The following AJAP1 variants were observed in gnomAD, a reference collection of about 807,000 sequenced individuals.
AJAP1 encodes adherens junction-associated protein 1.
AJAP1 carries 5 observed loss-of-function variants against 35.0 expected under a neutral mutation model. That is an observed-to-expected ratio of 0.14 (90% confidence interval 0.07 to 0.30). The LOEUF (loss-of-function observed/expected upper bound fraction) is 0.30. AJAP1 is among the 10% of genes least tolerant of loss of function. The pLI is 1.00. For missense variants in AJAP1, 586 were observed against 571.0 expected (o/e 1.03, Z -0.27); for synonymous variants, 284 against 249.3 (o/e 1.14, Z -1.31).
chr1:4,715,424 G>A (rs1045788762), intron 2 of AJAP1, among the ~76,000 whole-genome samples: 4 of 152,334 alleles, frequency 2.6e-5, no homozygotes, highest in African/African-American at 9.6e-5. Context: ...AGTGGCTCAC[G>A]CCTATAATCC....
At chr1:4,740,791 A>AG (rs1641049477) in intron 2 of AJAP1, among the ~76,000 whole-genome samples, 1 of 149,398 alleles carries the variant, frequency 6.7e-6, no homozygotes, top group South Asian at 2.2e-4. Flanking sequence ...GTCTCAAAAA[A>AG]AAAAAAAAAA....
chr1:4,710,433 GCA>G (rs1383978994), intron 1 of AJAP1, among the ~76,000 whole-genome samples: 4 of 150,134 alleles, frequency 2.7e-5, no homozygotes, highest in African/African-American at 9.9e-5. Context: ...TGACCCACAC[GCA>G]CACACTCACA....
Position 4,692,239 on chromosome 1 carries a change from G to A in AJAP1, c.30-19661G>A, listed in dbSNP as rs946201122. ...AGGCAGGCTCCTGCTGCTGCCTCCC[G>A]CCGCTGCCTCCCGCCACCAGGACAG... On this transcript the variant is annotated intron_variant, in intron 1 of 5. Coordinates refer to ENST00000378191, the MANE Select transcript of AJAP1 (RefSeq NM_018836.4). The surrounding 1 kb of genome is among the most constrained non-coding windows in gnomAD (Gnocchi z 4.4). Among the ~76,000 whole-genome samples, 4 of 152,104 alleles carry A rather than the reference G, an allele frequency of 2.6e-5. No individual in the cohort carries two copies. Among genetic ancestry groups the A allele is most frequent in the South Asian group, 2.1e-4 (1 of 4,824 alleles).
At chr1:4,716,724 GTGA>G (rs1442113350) in intron 2 of AJAP1, among the ~76,000 whole-genome samples, 2 of 150,284 alleles carry the variant, frequency 1.3e-5, no homozygotes, top group African/African-American at 5.0e-5. Flanking sequence ...GATGATGATG[GTGA>G]TGATGGAGAT....
Position 4,692,141 on chromosome 1 carries a change from G to A in AJAP1, c.30-19759G>A, listed in dbSNP as rs180716879. ...GATCTATTATCTCTGCATCGTTGCC[G>A]CCTTCTCGAGGGTTAGGAGTCAGCC... On this transcript the variant is annotated intron_variant, in intron 1 of 5. Transcript: ENST00000378191. The surrounding 1 kb of genome is among the most constrained non-coding windows in gnomAD (Gnocchi z 4.4). 6.4e-4 allele frequency among the ~76,000 whole-genome samples: 97 copies of A among 152,268 alleles called. No homozygotes were observed. Among genetic ancestry groups the A allele is most frequent in the African/African-American group, 2.2e-3 (90 of 41,560 alleles).
intron 2 of AJAP1, among the ~76,000 whole-genome samples, chr1:4,765,797 A>T (rs1021064627): frequency 2.6e-5 from 4 of 152,160 alleles, no homozygotes; most frequent in African/African-American, 9.7e-5. Context: ...CTCAAGGGAA[A>T]CCTTCATGCA....
Position 4,712,305 on chromosome 1 carries a change from C to T in AJAP1, c.435C>T (p.Ala145=). 1.3e-6 allele frequency: 2 copies of T among 1,490,862 alleles called. No homozygotes were observed. The highest frequency in any genetic ancestry group is 1.8e-6 in the Non-Finnish European group (2 of 1,121,210). The allele number at this position is 1,490,862 out of a possible 1,614,324, so 92.4% of individuals were successfully genotyped here. A position where few individuals can be genotyped will look rare whatever the true frequency, so the allele number is the denominator to read the frequency against. The part of the protein sequence containing the change: ...SSSSSAVAGG[A]PEQQALLRRG... ...CGTCCTCCGCGGTGGCCGGTGGGGC[C>T]CCGGAGCAGCAGGCCCTCCTGAGGA... The change falls in exon 2 of 6, where the codon GCC becomes GCT. Residue 145 remains alanine (A), a synonymous_variant. Coordinates refer to ENST00000378191, the MANE Select transcript of AJAP1 (RefSeq NM_018836.4).
chr1:4,684,791 G>A (rs555325438), intron 1 of AJAP1, among the ~76,000 whole-genome samples: 2 of 152,188 alleles, frequency 1.3e-5, no homozygotes, highest in African/African-American at 4.8e-5. Flanking sequence ...CAATGGGATC[G>A]CCGTTGATTC....
At chr1:4,722,002 G>T (rs945844062) in intron 2 of AJAP1, among the ~76,000 whole-genome samples, 3 of 152,190 alleles carry the variant, frequency 2.0e-5, no homozygotes, top group African/African-American at 7.2e-5. Context: ...CTGTATGTGT[G>T]CTGAGGTGGT....
intron 1 of AJAP1, among the ~76,000 whole-genome samples, chr1:4,702,442 A>T (rs1166063871): frequency 6.6e-6 from 1 of 152,214 alleles, no homozygotes; most frequent in East Asian, 1.9e-4. Flanking sequence ...TGTGGAAAGG[A>T]GGTCAGTTAG....
At chr1:4,716,070 TATC>T (rs1188827657) in intron 2 of AJAP1, among the ~76,000 whole-genome samples, 2 of 152,268 alleles carry the variant, frequency 1.3e-5, no homozygotes, top group African/African-American at 4.8e-5. Flanking sequence ...AGAAGGGACA[TATC>T]ATATTTTTCT....
chr1:4,775,361 G>A (rs1470277633), intron 5 of AJAP1, among the ~76,000 whole-genome samples: 1 of 152,136 alleles, frequency 6.6e-6, no homozygotes, highest in East Asian at 1.9e-4. Context: ...TCGACGCTGG[G>A]CTTTCTACGC....
intron 1 of AJAP1, among the ~76,000 whole-genome samples, chr1:4,697,971 C>T (rs1251855297): frequency 1.3e-5 from 2 of 152,218 alleles, no homozygotes; most frequent in East Asian, 1.9e-4. Context: ...TCTGCACCAG[C>T]GTGGGGTGGT....
intron 1 of AJAP1, among the ~76,000 whole-genome samples, chr1:4,681,150 G>C (rs1006998626): frequency 1.3e-5 from 2 of 152,170 alleles, no homozygotes; most frequent in Non-Finnish European, 2.9e-5. Context: ...GTCTAGACTG[G>C]ACAAACATCA....
chr1:4,706,847 A>G (rs1640111432), intron 1 of AJAP1, among the ~76,000 whole-genome samples: 1 of 152,250 alleles, frequency 6.6e-6, no homozygotes. Context: ...AAAGATTTCA[A>G]TAAAAATTTA....
Position 4,723,305 on chromosome 1 carries a change from T to A in AJAP1, c.829+10606T>A, listed in dbSNP as rs960065632. On this transcript the variant is annotated intron_variant, in intron 2 of 5. Transcript: ENST00000378191. The surrounding 1 kb of genome is among the most constrained non-coding windows in gnomAD (Gnocchi z 4.3). ...GCCGTCCAAGGGGAGCGCCTGTGGA[T>A]ACTCCTTGGATTCCTGAGTCTGCCA... Among the ~76,000 whole-genome samples, 1 of 152,182 alleles carries A rather than the reference T, an allele frequency of 6.6e-6. No homozygotes were observed. The highest frequency in any genetic ancestry group is 2.4e-5 in the African/African-American group (1 of 41,436).
intron 2 of AJAP1, among the ~76,000 whole-genome samples, chr1:4,736,727 T>C (rs887437397): frequency 2.0e-5 from 3 of 152,100 alleles, no homozygotes. Context: ...AATAAGCAAA[T>C]GAAAATTAAA....
At chr1:4,658,933 T>G (rs1638942131) in intron 1 of AJAP1, among the ~76,000 whole-genome samples, 1 of 151,592 alleles carries the variant, frequency 6.6e-6, no homozygotes, top group South Asian at 2.1e-4. Flanking sequence ...TCGCTGGAGG[T>G]GCTTCTGGAC....
rs1217027623 is a variant in AJAP1, at chr1:4,791,303, A to T, written c.*8818A>T. ...GAATGAAGCTTGAGGCCATGCATTGATAACATTTTTAGAGTCTGTTACATT... is the reference window on the plus strand; with the variant it reads ...GAATGAAGCTTGAGGCCATGCATTGTTAACATTTTTAGAGTCTGTTACATT... On this transcript the variant is annotated 3_prime_UTR_variant, in exon 6 of 6. Transcript: ENST00000378191. 1 of 152,218 alleles carries T rather than the reference A, an allele frequency of 6.6e-6. No homozygotes were observed. The highest frequency in any genetic ancestry group is 1.5e-5 in the Non-Finnish European group (1 of 68,036). The allele number at this position is 152,218 out of a possible 1,614,324, so 9.4% of individuals were successfully genotyped here.
Sources: gnomAD v4.1 joint callset for allele counts (sites outside exome capture counted in the v4.1 genomes callset) on GRCh38, gnomAD v4.1.1 for gene constraint, Gnocchi (gnomAD v3.1) non-coding constraint, MANE v1.5 for transcripts, NCBI Gene and HGNC (gene_info 2026-07-23, HGNC 2026-07-21) for gene names.